ZEB1: variants seen among roughly 807,000 people sequenced by gnomAD.
The protein encoded by ZEB1 is zinc finger E-box binding homeobox 1, also known as zinc finger E-box-binding homeobox 1.
ZEB1 carries 21 observed loss-of-function variants against 84.9 expected under a neutral mutation model. The ratio of observed to expected loss-of-function variants is 0.25; its 90% CI spans 0.18 to 0.36. The LOEUF is 0.36. ZEB1 is among the 10% of genes least tolerant of loss of function. ZEB1 has a pLI of 1.00. For missense variants in ZEB1, 1,104 were observed against 1,330.2 expected (o/e 0.83, Z 2.65); for synonymous variants, 420 against 471.1 (o/e 0.89, Z 1.41).
rs550994602 is a variant in ZEB1, at chr10:31,348,637, G to A, written c.58+29345G>A. Among the ~76,000 whole-genome samples the A allele has an allele frequency of 9.9e-5, 15 of 152,178 alleles. No individual in the cohort carries two copies. The South Asian group carries it at 2.9e-3, about 29-fold the overall frequency. On this transcript the variant is annotated intron_variant, in intron 1 of 8. Transcript: ENST00000424869. ...AGATAGACACTCCTCCTGAGACTTA[G>A]GGATTTTCAAACCATTTCAAATAGA...
intron 1 of ZEB1, among the ~76,000 whole-genome samples, chr10:31,348,341 A>T (rs980876867): frequency 1.3e-5 from 2 of 152,106 alleles, no homozygotes; most frequent in Admixed American, 6.6e-5. Flanking sequence ...AGGTGGGTGG[A>T]TCACTTGAGG....
intron 1 of ZEB1, chr10:31,363,310 C>T: frequency 6.5e-7 from 1 of 1,533,304 alleles, no homozygotes; most frequent in South Asian, 1.2e-5. Context: ...AAGGATGCCT[C>T]CAGCAGGGCT....
At position 31,329,797 on chromosome 10, in the gene ZEB1, A is replaced by G. The variant is rs2036376177; in HGVS notation, c.58+10505A>G. Among the ~76,000 whole-genome samples the G allele has an allele frequency of 2.0e-5, 3 of 152,072 alleles. No homozygotes were observed. In the South Asian group the frequency reaches 6.2e-4, roughly 32 times the overall value. On this transcript the variant is annotated intron_variant, in intron 1 of 8. Transcript: ENST00000424869. ...TTTGATTGGATTTCACCGGTGACTA[A>G]TGATGTTTGAAGATCTTTTGGTGTA... is the stretch of plus-strand genomic sequence containing the variant.
intron 1 of ZEB1, among the ~76,000 whole-genome samples, chr10:31,422,424 T>G (rs2136065722): frequency 6.6e-6 from 1 of 152,236 alleles, no homozygotes; most frequent in South Asian, 2.1e-4. Context: ...ATATTGGCTC[T>G]AAGGAGAATT....
chr10:31,432,004 T>C (rs2057768461), intron 1 of ZEB1, among the ~76,000 whole-genome samples: 1 of 152,368 alleles, frequency 6.6e-6, no homozygotes. Flanking sequence ...TGTATGTGGA[T>C]ACAGATATCA....
chr10:31,362,314 C>T (rs187621637), intron 1 of ZEB1, among the ~76,000 whole-genome samples: 1,853 of 151,254 alleles, frequency 0.012, 11 homozygotes, highest in Non-Finnish European at 0.018. Context: ...CGCCTCACTT[C>T]CCGGACGGGG....
In ZEB1 at chr10:31,343,192, T is replaced by A. The variant is rs144741437; in HGVS notation, c.58+23900T>A. On this transcript the variant is annotated intron_variant, in intron 1 of 8. Transcript: ENST00000424869. ...CTCTTGAGAGCTTTCTATGTTATAT[T>A]GTGGCACAGGAAAAAGTTTATTCAT... 7.0e-3 allele frequency among the ~76,000 whole-genome samples: 1,066 copies of A among 152,282 alleles called. 12 individuals carry two copies. Among genetic ancestry groups the A allele is most frequent in the African/African-American group, 0.023 (976 of 41,566 alleles).
At chr10:31,373,168 T>G (rs1437664523) in intron 1 of ZEB1, 1 of 985,060 alleles carries the variant, frequency 1.0e-6, no homozygotes, top group East Asian at 1.1e-4. Flanking sequence ...CAAAAGGAAG[T>G]CAATGGTAAG....
intron 1 of ZEB1, among the ~76,000 whole-genome samples, chr10:31,433,369 T>C (rs1183401893): frequency 6.6e-6 from 1 of 152,252 alleles, no homozygotes; most frequent in Non-Finnish European, 1.5e-5. Flanking sequence ...AATTCTCATT[T>C]ACATCTGAAA....
Position 31,362,269 on chromosome 10 carries a change from T to G in ZEB1, c.58+42977T>G, listed in dbSNP as rs1462515532. 1.5e-5 allele frequency among the ~76,000 whole-genome samples: 2 copies of G among 133,736 alleles called. 1 individual carries two copies. The highest frequency in any genetic ancestry group is 3.2e-5 in the Non-Finnish European group (2 of 63,488). The allele number at this position is 133,736 out of a possible 152,430, so 87.7% of individuals were successfully genotyped here. A position where few individuals can be genotyped will look rare whatever the true frequency, so the allele number is the denominator to read the frequency against. On this transcript the variant is annotated intron_variant, in intron 1 of 8. Coordinates refer to ENST00000424869, the MANE Select transcript of ZEB1 (RefSeq NM_001174096.2). ...GGCCAGGCAGAGGCGGCGCTCCTCC[T>G]CAATTCCCAGATAGTGGGCGGCTGG...
chr10:31,524,245 T>A, intron 8 of ZEB1, 132 bp downstream of exon 8: 2 of 990,922 alleles, frequency 2.0e-6, no homozygotes, highest in Non-Finnish European at 2.9e-6. Context: ...GGTCTGGCTC[T>A]AGTCACCCAG....
chr10:31,431,591 G>T (rs1467485525), intron 1 of ZEB1, among the ~76,000 whole-genome samples: 1 of 151,964 alleles, frequency 6.6e-6, no homozygotes, highest in Non-Finnish European at 1.5e-5. Flanking sequence ...GGATATAAGG[G>T]TTATTAAATC....
Position 31,527,006 on chromosome 10 carries a change from GGAA to G in ZEB1, c.3123_3125del (p.Glu1044del), listed in dbSNP as rs756432026. On this transcript the variant is annotated inframe_deletion, in exon 9 of 9. Transcript: ENST00000424869. ...AAGAGGATGAAGACAGTGAAAAAGA[GGAA>G]GAGGAGGAGGATAAAGAGATGGAAG... 6 of 1,603,476 alleles carry G rather than the reference GGAA, an allele frequency of 3.7e-6. No individual in the cohort carries two copies. In the Middle Eastern group the frequency reaches 5.0e-4, roughly 132 times the overall value.
chr10:31,366,686 T>C (rs185906945), intron 1 of ZEB1, among the ~76,000 whole-genome samples: 97 of 152,366 alleles, frequency 6.4e-4, no homozygotes, highest in Middle Eastern at 6.8e-3. Flanking sequence ...CACACTGTTT[T>C]CTTTGACCTG....
intron 1 of ZEB1, among the ~76,000 whole-genome samples, chr10:31,358,922 C>T (rs2042548172): frequency 6.6e-6 from 1 of 152,168 alleles, no homozygotes; most frequent in Admixed American, 6.5e-5. Flanking sequence ...GCTCAGTTCT[C>T]TCTTTGACTT....
intron 2 of ZEB1, among the ~76,000 whole-genome samples, chr10:31,479,004 A>T (rs1292852957): frequency 1.3e-5 from 2 of 151,882 alleles, no homozygotes; most frequent in Non-Finnish European, 2.9e-5. Context: ...ATAAACCTGC[A>T]CATGTGCCCC....
chr10:31,354,049 T>G (rs2133921475), intron 1 of ZEB1, among the ~76,000 whole-genome samples: 1 of 152,306 alleles, frequency 6.6e-6, no homozygotes, highest in East Asian at 1.9e-4. Context: ...TCAGAATATT[T>G]TAAAGAATTT....
chr10:31,404,594 C>T (rs936509203), intron 1 of ZEB1, among the ~76,000 whole-genome samples: 3 of 152,072 alleles, frequency 2.0e-5, no homozygotes, highest in Admixed American at 6.6e-5. Context: ...CTAGGAAGTT[C>T]ATCTTTGTAT....
chr10:31,443,361 A>T (rs1487977635), intron 1 of ZEB1, among the ~76,000 whole-genome samples: 1 of 150,610 alleles, frequency 6.6e-6, no homozygotes, highest in African/African-American at 2.4e-5. Flanking sequence ...TTTCATGCTT[A>T]TAATGGCCTT....
Sources: allele counts gnomAD v4.1 joint callset (sites outside exome capture counted in the v4.1 genomes callset), GRCh38; gene constraint gnomAD v4.1.1; transcripts MANE v1.5; gene names NCBI Gene and HGNC (gene_info 2026-07-23, HGNC 2026-07-21).